ESS2: variants seen among roughly 807,000 people sequenced by gnomAD.
ESS2 encodes the protein ess-2 spliceosome associated protein.
In ESS2, 31 loss-of-function variants were observed where a neutral mutation model predicts 52.0. The ratio of observed to expected loss-of-function variants is 0.60; its 90% CI spans 0.45 to 0.81. The LOEUF (loss-of-function observed/expected upper bound fraction) is 0.81, where lower values mean the gene tolerates loss of function less well. Among genes scored for constraint, ESS2 ranks in the 30% least tolerant of loss-of-function variants. The pLI is 0.00. For missense variants in ESS2, 602 were observed against 637.2 expected (o/e 0.94, Z 0.59); for synonymous variants, 285 against 259.2 (o/e 1.10, Z -0.95).
chr22:19,140,971 G>C (rs945641122), intron 3 of ESS2, among the ~76,000 whole-genome samples: 1 of 152,124 alleles, frequency 6.6e-6, no homozygotes, highest in African/African-American at 2.4e-5. Context: ...CTGGCATGTA[G>C]GTGTACAGGT....
At position 19,133,878 on chromosome 22, in the gene ESS2, G is replaced by C. The variant is rs1569104410; in HGVS notation, c.*318C>G. 1 of 282,010 alleles carries C rather than the reference G, an allele frequency of 3.5e-6. No individual in the cohort carries two copies. Among genetic ancestry groups the C allele is most frequent in the Non-Finnish European group, 6.5e-6 (1 of 152,980 alleles). The allele number at this position is 282,010 out of a possible 1,614,324, so 17.5% of individuals were successfully genotyped here. A position where few individuals can be genotyped will look rare whatever the true frequency, so the allele number is the denominator to read the frequency against. On this transcript the variant is annotated 3_prime_UTR_variant, in exon 10 of 10. Transcript: ENST00000252137. Reference sequence around the variant, plus strand: ...CCCCGCAGTCCTGAGACGTGATGCAGGCCCCAGGGCAAGGCTAGGGCTCGT... The same window carrying C: ...CCCCGCAGTCCTGAGACGTGATGCACGCCCCAGGGCAAGGCTAGGGCTCGT...
chr22:19,143,658 C>A (rs1453147392), intron 1 of ESS2, among the ~76,000 whole-genome samples: 2 of 152,012 alleles, frequency 1.3e-5, no homozygotes, highest in East Asian at 3.9e-4. Flanking sequence ...GAGTTCGAGA[C>A]CAGCCTGGCC....
chr22:19,134,308 C>T lies in ESS2; in HGVS notation c.1319G>A (p.Ser440Asn). The change falls in exon 10 of 10, where the codon AGC becomes AAC. Residue 440 changes from serine to asparagine, a missense_variant. Coordinates refer to ENST00000252137, the MANE Select transcript of ESS2 (RefSeq NM_022719.3). ...TPASGLQTPT[S>N]TPAPGSATRT... ...TGTGGCAGAGCCAGGCGCCGGTGTG[C>T]TTGTGGGGGTCTGCAGCCCACTGGC... 1 of 1,607,924 alleles carries T rather than the reference C, an allele frequency of 6.2e-7. No individual in the cohort carries two copies. Among genetic ancestry groups the T allele is most frequent in the Non-Finnish European group, 8.5e-7 (1 of 1,176,894 alleles).
chr22:19,138,851 G>A (rs1287916442), intron 6 of ESS2, among the ~76,000 whole-genome samples: 1 of 152,136 alleles, frequency 6.6e-6, no homozygotes. Context: ...CGGCTCTCTG[G>A]CTTCCCTGCC....
In ESS2 at chr22:19,131,531, C is replaced by T. The variant is rs879221219; in HGVS notation, c.*2665G>A. The T allele has an allele frequency of 6.2e-7, 1 of 1,614,216 alleles. No individual in the cohort carries two copies. The highest frequency in any genetic ancestry group is 1.7e-5 in the Admixed American group (1 of 60,028). Reference sequence around the variant, plus strand: ...TCAATGTGGCTGTCAAGATCATCGACCGCAAGAAAACACCTACTGACTTTG... The same window carrying T: ...TCAATGTGGCTGTCAAGATCATCGATCGCAAGAAAACACCTACTGACTTTG... On this transcript the variant is annotated 3_prime_UTR_variant, in exon 10 of 10. Transcript: ENST00000252137. The surrounding 1 kb of genome is among the most constrained non-coding windows in gnomAD (Gnocchi z 5.7).
intron 8 of ESS2, among the ~76,000 whole-genome samples, chr22:19,136,397 C>T (rs1320726132): frequency 6.6e-6 from 1 of 151,534 alleles, no homozygotes; most frequent in Non-Finnish European, 1.5e-5. Flanking sequence ...CCACTATTTT[C>T]TTCTGGTTGT....
rs1390169695 is a variant in ESS2, at chr22:19,131,496, C to T, written c.*2700G>A. On this transcript the variant is annotated 3_prime_UTR_variant, in exon 10 of 10. Transcript: ENST00000252137. The surrounding 1 kb of genome is among the most constrained non-coding windows in gnomAD (Gnocchi z 5.7). ...AAAAGTCAAATCTGCCTACTCTGAG[C>T]GCCTCAAGTTCAATGTGGCTGTCAA... is the stretch of plus-strand genomic sequence containing the variant. 5.0e-6 allele frequency: 8 copies of T among 1,614,150 alleles called. No homozygotes were observed. Among genetic ancestry groups the T allele is most frequent in the East Asian group, 4.5e-5 (2 of 44,874 alleles).
At position 19,131,877 on chromosome 22, in the gene ESS2, C is replaced by T. The variant is rs144966098; in HGVS notation, c.*2319G>A. 1.9e-5 allele frequency: 31 copies of T among 1,614,026 alleles called. No individual in the cohort carries two copies. The African/African-American group carries it at 2.4e-4, about 13-fold the overall frequency. On this transcript the variant is annotated 3_prime_UTR_variant, in exon 10 of 10. Transcript: ENST00000252137. This position sits in a 1 kb window ranked among gnomAD's most constrained non-coding sequence, Gnocchi z 5.7. ...GCTGTCTGACTTTGGCTTCTCCAAGCGCTGCCTGCGGGACAGCAATGGGCG... is the reference window on the plus strand; with the variant it reads ...GCTGTCTGACTTTGGCTTCTCCAAGTGCTGCCTGCGGGACAGCAATGGGCG...
At chr22:19,137,944 C>T (rs1601352387) in intron 7 of ESS2, 2 of 985,296 alleles carry the variant, frequency 2.0e-6, no homozygotes, top group African/African-American at 3.5e-5. Flanking sequence ...ACACCCCCAC[C>T]CACTGACATC....
In ESS2 at chr22:19,142,839, G is replaced by A; in HGVS notation, c.191C>T (p.Ala64Val). 6.2e-7 allele frequency: 1 copy of A among 1,614,040 alleles called. No individual in the cohort carries two copies. The highest frequency in any genetic ancestry group is 1.3e-5 in the African/African-American group (1 of 75,038). Reference sequence around the variant, plus strand: ...CTCGGCTTCCAGGTACTCCTTCTGTGCCTGGAGCTTCTCCACATCAGGAAA... The same window carrying A: ...CTCGGCTTCCAGGTACTCCTTCTGTACCTGGAGCTTCTCCACATCAGGAAA... ...DFFPDVEKLQ[A>V]QKEYLEAEEN... Residue 64 changes from alanine (A) to valine (V), a missense_variant, in exon 2 of 10, where the codon GCA becomes GTA. Ala to Val is a moderately conservative substitution (Grantham distance 64). Transcript: ENST00000252137.
At chr22:19,141,201 T>C (rs2083680515) in intron 3 of ESS2, among the ~76,000 whole-genome samples, 1 of 151,898 alleles carries the variant, frequency 6.6e-6, no homozygotes, top group African/African-American at 2.4e-5. Context: ...ATAATCAAGC[T>C]TCAAGGACAA....
Position 19,142,733 on chromosome 22 carries a change from C to A in ESS2, c.297G>T (p.Pro99=), listed in dbSNP as rs573691209. The change falls in exon 2 of 10, where the codon CCG becomes CCT. Residue 99 remains proline, a synonymous_variant. Coordinates refer to ENST00000252137, the MANE Select transcript of ESS2 (RefSeq NM_022719.3). ...CCCACAGGGTCCTCATACAGGGTGG[C>A]GGGGGCTCCCGGGACATCTTGCCCA... ...SALGKMSREP[P]PPYVTPATFE... is the part of the protein sequence containing the mutation. The A allele has an allele frequency of 6.2e-7, 1 of 1,613,296 alleles. No individual in the cohort carries two copies.
At chr22:19,143,202 CA>C (rs10632625) in intron 1 of ESS2, among the ~76,000 whole-genome samples, 20 of 113,012 alleles carry the variant, frequency 1.8e-4, no homozygotes, top group African/African-American at 2.8e-4. Context: ...GAGACCGTCT[CA>C]AAAAAAAAAA....
In ESS2 at chr22:19,133,911, G is replaced by A. The variant is rs538506883; in HGVS notation, c.*285C>T. ...GGCAAGGCTAGGGCTCGTGTGGGGAGCAAGATGGAGAGGCAACCCCCCAGA... is the reference window on the plus strand; with the variant it reads ...GGCAAGGCTAGGGCTCGTGTGGGGAACAAGATGGAGAGGCAACCCCCCAGA... On this transcript the variant is annotated 3_prime_UTR_variant, in exon 10 of 10. Transcript: ENST00000252137. 5.2e-4 allele frequency: 174 copies of A among 334,878 alleles called. No homozygotes were observed. Among genetic ancestry groups the A allele is most frequent in the African/African-American group, 1.4e-3 (68 of 47,404 alleles). 20.7% of individuals were successfully genotyped at this position (334,878 alleles called of 1,614,324 possible).
At chr22:19,139,403 A>G in intron 5 of ESS2, 111 bp from the exon 6 acceptor site, 1 of 1,458,150 alleles carries the variant, frequency 6.9e-7, no homozygotes. Flanking sequence ...AGCATTGAGC[A>G]GAACGCAGGC....
intron 9 of ESS2, among the ~76,000 whole-genome samples, 155 bp downstream of exon 9, chr22:19,134,905 G>A (rs187714665): frequency 1.7e-3 from 254 of 152,318 alleles, no homozygotes; most frequent in African/African-American, 5.7e-3. Context: ...CCATGCTCTG[G>A]ATAGAGGAGC....
At chr22:19,139,576 A>T in intron 5 of ESS2, 36 bp downstream of exon 5, 2 of 1,579,854 alleles carry the variant, frequency 1.3e-6, no homozygotes, top group Non-Finnish European at 1.7e-6. Flanking sequence ...GCTCTACCCA[A>T]CACCTCCCCA....
rs1252228580 is a variant in ESS2, at chr22:19,131,391, C to T, written c.*2805G>A. 4 of 1,581,432 alleles carry T rather than the reference C, an allele frequency of 2.5e-6. No homozygotes were observed. The highest frequency in any genetic ancestry group is 3.4e-4 in the Middle Eastern group (2 of 5,884). The stretch of plus-strand genomic sequence containing the variant: ...GTAGACGGCAGCGGCGCCAGTCGCT[C>T]CTGGCACCATGGACGATGCCACAGT... On this transcript the variant is annotated 3_prime_UTR_variant, in exon 10 of 10. Transcript: ENST00000252137. The surrounding 1 kb of genome is among the most constrained non-coding windows in gnomAD (Gnocchi z 5.7).
At chr22:19,137,183 C>A (rs922601749) in intron 8 of ESS2, 140 bp downstream of exon 8, 9 of 650,294 alleles carry the variant, frequency 1.4e-5, no homozygotes, top group Non-Finnish European at 2.4e-5. Context: ...GCCTTCAGCA[C>A]CCTGGCATTC....
Sources: allele counts gnomAD v4.1 joint callset (sites outside exome capture counted in the v4.1 genomes callset), GRCh38; gene constraint gnomAD v4.1.1; non-coding constraint Gnocchi (gnomAD v3.1); transcripts MANE v1.5; gene names NCBI Gene and HGNC (gene_info 2026-07-23, HGNC 2026-07-21).